Variants in UBQLN1 observed in about 807,000 individuals in gnomAD.
UBQLN1 encodes the protein ubiquilin-1.
A neutral mutation model predicts 65.4 loss-of-function variants in UBQLN1; 13 were observed. The ratio of observed to expected loss-of-function variants is 0.20; its 90% CI spans 0.13 to 0.32. The LOEUF (loss-of-function observed/expected upper bound fraction) is 0.32, where lower values mean the gene tolerates loss of function less well. Ranked by LOEUF, UBQLN1 falls within the 10% of genes least tolerant of loss-of-function variation. UBQLN1 has a pLI of 1.00. For missense variants in UBQLN1, 561 were observed against 724.0 expected (o/e 0.77, Z 2.58); for synonymous variants, 267 against 247.8 (o/e 1.08, Z -0.73).
chr9:83,670,089 CAT>C (rs1401214257), intron 6 of UBQLN1, among the ~76,000 whole-genome samples: 2 of 152,052 alleles, frequency 1.3e-5, no homozygotes, highest in Admixed American at 6.6e-5. Flanking sequence ...ATGTGAATTC[CAT>C]ATGTGATGAC....
intron 1 of UBQLN1, among the ~76,000 whole-genome samples, chr9:83,691,635 C>CCA (rs1352192670): frequency 1.3e-5 from 2 of 152,288 alleles, no homozygotes; most frequent in African/African-American, 2.4e-5. Flanking sequence ...GTACCTGGCA[C>CCA]CACACACACA....
intron 1 of UBQLN1, among the ~76,000 whole-genome samples, chr9:83,700,951 G>A (rs1353933549): frequency 6.6e-6 from 1 of 152,188 alleles, no homozygotes; most frequent in Non-Finnish European, 1.5e-5. Flanking sequence ...AATGGCTGGT[G>A]GGAGAGTTAT....
intron 1 of UBQLN1, among the ~76,000 whole-genome samples, chr9:83,695,420 G>C (rs534977939): frequency 3.0e-4 from 46 of 152,220 alleles, no homozygotes; most frequent in Admixed American, 5.2e-4. Context: ...GGCTGGTCTT[G>C]AACTCCTGAC....
At chr9:83,682,929 T>C in intron 3 of UBQLN1, 22 bp downstream of exon 3, 1 of 1,463,868 alleles carries the variant, frequency 6.8e-7, no homozygotes, top group Non-Finnish European at 9.5e-7. Flanking sequence ...CCATCCCTAC[T>C]GGAATGACTA....
At chr9:83,686,605 C>T (rs1832044893) in intron 1 of UBQLN1, among the ~76,000 whole-genome samples, 1 of 152,130 alleles carries the variant, frequency 6.6e-6, no homozygotes. Flanking sequence ...GTTAATGAGA[C>T]CAAATTTAGT....
intron 7 of UBQLN1, chr9:83,667,964 G>A: frequency 1.0e-6 from 1 of 985,266 alleles, no homozygotes. Flanking sequence ...CTTTACTAAA[G>A]TAAGATTATT....
intron 10 of UBQLN1, 137 bp from the exon 11 acceptor site, chr9:83,662,076 A>G (rs1587634046): frequency 1.5e-6 from 1 of 674,804 alleles, no homozygotes; most frequent in East Asian, 2.8e-5. Flanking sequence ...CACCTCTTGA[A>G]ACTTATCCAA....
chr9:83,702,539 GAAAA>G (rs1468985018), intron 1 of UBQLN1, among the ~76,000 whole-genome samples: 1 of 151,558 alleles, frequency 6.6e-6, no homozygotes, highest in Admixed American at 6.6e-5. Flanking sequence ...CAGCCATACT[GAAAA>G]AAAAGTTTTT....
At chr9:83,668,400 T>C in intron 7 of UBQLN1, 4 of 985,358 alleles carry the variant, frequency 4.1e-6, no homozygotes, top group Non-Finnish European at 4.8e-6. Flanking sequence ...GAACAGCAAA[T>C]ATAAACTACA....
intron 1 of UBQLN1, among the ~76,000 whole-genome samples, chr9:83,694,655 A>G (rs941453078): frequency 2.0e-5 from 3 of 152,218 alleles, no homozygotes; most frequent in African/African-American, 7.2e-5. Context: ...TAACAAACTA[A>G]ATGTTTCACT....
At chr9:83,662,447 C>G (rs940955976) in intron 10 of UBQLN1, among the ~76,000 whole-genome samples, 2 of 152,036 alleles carry the variant, frequency 1.3e-5, no homozygotes, top group Non-Finnish European at 1.5e-5. Flanking sequence ...TTGCACTGGA[C>G]AGTCAATTCT....
chr9:83,704,426 T>C (rs148285450), intron 1 of UBQLN1, among the ~76,000 whole-genome samples: 7 of 152,348 alleles, frequency 4.6e-5, no homozygotes, highest in African/African-American at 1.7e-4. Flanking sequence ...TAAGCGTCAA[T>C]TTTTATCACA....
rs759273610 is a variant in UBQLN1 at position 83,686,119 on chromosome 9, T to C, written c.217A>G (p.Thr73Ala). The C allele has an allele frequency of 3.1e-6, 5 of 1,587,692 alleles. No homozygotes were observed. Among genetic ancestry groups the C allele is most frequent in the East Asian group, 2.3e-5 (1 of 44,328 alleles). ...EEISKRFKSHTDQLVLIFAGK... is the reference protein window; with the variant it reads ...EEISKRFKSHADQLVLIFAGK... ...GCAAATATCAACACAAGTTGGTCAG[T>C]ATGTGATTTAAAACGTTTAGAGATT... The change falls in exon 2 of 11, where the codon ACT becomes GCT. Residue 73 changes from threonine to alanine, a missense_variant. Around this residue, in one of 8 missense-constraint regions of UBQLN1, gnomAD observed 101 missense variants for 104.9 expected, o/e 0.96. Transcript: ENST00000376395.
intron 1 of UBQLN1, among the ~76,000 whole-genome samples, chr9:83,688,630 G>C (rs1350746608): frequency 6.6e-6 from 1 of 151,846 alleles, no homozygotes; most frequent in African/African-American, 2.4e-5. Context: ...CTGGGAGGCC[G>C]AGGCGGGCAG....
chr9:83,707,569 C>G lies in UBQLN1; in HGVS notation c.111G>C (p.Met37Ile). The G allele has an allele frequency of 6.2e-7, 1 of 1,609,752 alleles. No homozygotes were observed. The highest frequency in any genetic ancestry group is 8.5e-7 in the Non-Finnish European group (1 of 1,178,232). The change falls in exon 1 of 11, where the codon ATG becomes ATC. Residue 37 changes from methionine (M) to isoleucine (I), a missense_variant. Met to Ile is a conservative substitution (Grantham distance 10, BLOSUM62 1). This residue lies in a region of UBQLN1 where 101 missense variants were observed against 104.9 expected (regional missense o/e 0.96). Transcript: ENST00000376395. ...CCTTCGGGGTCTTCACGGTGACTTT[C>G]ATGATTTTGGGCTCCGCGGAGGCAG... is the stretch of plus-strand genomic sequence containing the variant. The part of the protein sequence containing the change: ...AAAASAEPKI[M>I]KVTVKTPKEK...
intron 1 of UBQLN1, among the ~76,000 whole-genome samples, chr9:83,696,962 T>C (rs772489178): frequency 2.0e-5 from 3 of 152,146 alleles, no homozygotes; most frequent in Non-Finnish European, 4.4e-5. Context: ...TAAAAAAAGA[T>C]ACAGAGTATT....
At chr9:83,680,506 AG>A (rs1481809976) in intron 3 of UBQLN1, among the ~76,000 whole-genome samples, 1 of 152,082 alleles carries the variant, frequency 6.6e-6, no homozygotes. Context: ...AAGTAAGGGT[AG>A]GGAGGTGGAG....
intron 6 of UBQLN1, among the ~76,000 whole-genome samples, chr9:83,673,128 G>A (rs1004715047): frequency 6.6e-6 from 1 of 152,098 alleles, no homozygotes; most frequent in African/African-American, 2.4e-5. Context: ...TACTGGGGAG[G>A]CTGAGAAGGG....
chr9:83,667,766 A>G (rs926750906), intron 7 of UBQLN1: 4 of 975,622 alleles, frequency 4.1e-6, no homozygotes, highest in African/African-American at 1.8e-5. Flanking sequence ...TTATACCACA[A>G]GTTTTTACAC....
Sources: allele counts gnomAD v4.1 joint callset (sites outside exome capture counted in the v4.1 genomes callset), GRCh38; gene constraint gnomAD v4.1.1; regional missense constraint gnomAD v4.1.1; transcripts MANE v1.5; gene names NCBI Gene and HGNC (gene_info 2026-07-23, HGNC 2026-07-21).